Variants in GRIA1 observed in about 807,000 individuals in gnomAD.
GRIA1 encodes the protein glutamate ionotropic receptor AMPA type subunit 1.
Under a neutral mutation model 99.2 loss-of-function variants are expected in GRIA1, and 31 were observed. That is an observed-to-expected ratio of 0.31 (90% CI 0.23 to 0.42). The LOEUF (loss-of-function observed/expected upper bound fraction) is 0.42, where lower values mean the gene tolerates loss of function less well. GRIA1 is among the 10% of genes least tolerant of loss of function. The pLI is 1.00. For missense variants in GRIA1, 782 were observed against 1,157.5 expected (o/e 0.68, Z 4.71); for synonymous variants, 438 against 432.4 (o/e 1.01, Z -0.16).
At chr5:153,540,700 G>A (rs1332349990) in intron 2 of GRIA1, among the ~76,000 whole-genome samples, 2 of 152,084 alleles carry the variant, frequency 1.3e-5, no homozygotes, top group Non-Finnish European at 2.9e-5. Flanking sequence ...CGGGACAATC[G>A]CAGATGGGGG....
At chr5:153,801,962 C>T (rs539315261) in intron 14 of GRIA1, among the ~76,000 whole-genome samples, 781 of 9,788 alleles carry the variant, frequency 0.08, no homozygotes, top group Non-Finnish European at 0.13. Flanking sequence ...CGGGGGGGGG[C>T]GGGGGGCAGG....
At chr5:153,639,874 A>G (rs957333938) in intron 2 of GRIA1, among the ~76,000 whole-genome samples, 3 of 152,246 alleles carry the variant, frequency 2.0e-5, no homozygotes, top group African/African-American at 7.2e-5. Flanking sequence ...AGTGAGTACA[A>G]AAGTTCTATT....
rs1428165047 is a variant in GRIA1, at chr5:153,705,944, G to A, written c.1700G>A (p.Ser567Asn). The A allele has an allele frequency of 6.2e-7, 1 of 1,614,008 alleles. No homozygotes were observed. The highest frequency in any genetic ancestry group is 8.5e-7 in the Non-Finnish European group (1 of 1,179,980). The change falls in exon 11 of 16, where the codon AGT becomes AAT. Residue 567 changes from serine to asparagine, a missense_variant. Ser to Asn is a conservative substitution (Grantham distance 46, BLOSUM62 1). Around this residue, in one of 5 missense-constraint regions of GRIA1, gnomAD observed 39 missense variants for 43.5 expected, o/e 0.90. Transcript: ENST00000285900. ...CGCTTCAGTCCCTATGAATGGCACA[G>A]TGAAGAGTTTGAGGAAGGACGGGAC... ...VSRFSPYEWH[S>N]EEFEEGRDQT...
At chr5:153,810,249 C>T (rs1291279798) in intron 15 of GRIA1, among the ~76,000 whole-genome samples, 1 of 152,194 alleles carries the variant, frequency 6.6e-6, no homozygotes, top group Non-Finnish European at 1.5e-5. Flanking sequence ...TCTGGAAGTA[C>T]AGGGTCTACA....
chr5:153,763,545 G>T (rs1435200619), intron 11 of GRIA1, among the ~76,000 whole-genome samples: 2 of 152,160 alleles, frequency 1.3e-5, no homozygotes, highest in Non-Finnish European at 2.9e-5. Context: ...TACCACCATA[G>T]GATTCATTAT....
chr5:153,634,056 C>A (rs189965460), intron 2 of GRIA1, among the ~76,000 whole-genome samples: 1 of 152,144 alleles, frequency 6.6e-6, no homozygotes, highest in African/African-American at 2.4e-5. Context: ...GTGGCTCACT[C>A]CTGTAATCCC....
intron 5 of GRIA1, among the ~76,000 whole-genome samples, chr5:153,671,076 A>AT (rs1382349025): frequency 1.1e-4 from 16 of 151,794 alleles, no homozygotes; most frequent in South Asian, 6.2e-4. Context: ...TTCTCTGTCC[A>AT]TTTTTTCTTA....
At chr5:153,722,071 C>T (rs572159187) in intron 11 of GRIA1, among the ~76,000 whole-genome samples, 1 of 152,324 alleles carries the variant, frequency 6.6e-6, no homozygotes, top group South Asian at 2.1e-4. Flanking sequence ...TCCCTGGCAA[C>T]TAGTACTTCT....
rs369874519 is a variant in GRIA1 at position 153,579,903 on chromosome 5, A to C, written c.221-67025A>C. Among the ~76,000 whole-genome samples the C allele has an allele frequency of 9.2e-5, 14 of 152,230 alleles. 1 individual carries two copies. Among genetic ancestry groups the C allele is most frequent in the Middle Eastern group, 3.4e-3 (1 of 294 alleles). On this transcript the variant is annotated intron_variant, in intron 2 of 15. Transcript: ENST00000285900. ...CAAAAACAAACAAACAAACAAAAAAAAAAAAACAGGATCCTGAGCCTCACA... is the reference window on the plus strand; with the variant it reads ...CAAAAACAAACAAACAAACAAAAAACAAAAAACAGGATCCTGAGCCTCACA...
intron 11 of GRIA1, among the ~76,000 whole-genome samples, chr5:153,752,594 C>CCTAT (rs1227639960): frequency 6.6e-6 from 1 of 152,140 alleles, no homozygotes; most frequent in Admixed American, 6.5e-5. Flanking sequence ...CCACTGCCTT[C>CCTAT]CTATCTTCTC....
Position 153,739,088 on chromosome 5 carries a change from C to CAAAAA in GRIA1, c.1824-25335_1824-25331dup, listed in dbSNP as rs34623069. On this transcript the variant is annotated intron_variant, in intron 11 of 15. Coordinates refer to ENST00000285900, the MANE Select transcript of GRIA1 (RefSeq NM_000827.4). ...CCATTCTGCAAGGCAGGGATTTCTC[C>CAAAAA]AAAAAAAAAAAAAAATGTGAATGGG... 3.0e-3 allele frequency among the ~76,000 whole-genome samples: 420 copies of CAAAAA among 139,410 alleles called. 1 individual carries two copies. The highest frequency in any genetic ancestry group is 4.6e-3 in the Non-Finnish European group (292 of 64,050). The allele number at this position is 139,410 out of a possible 152,430, so 91.5% of individuals were successfully genotyped here. A position where few individuals can be genotyped will look rare whatever the true frequency, so the allele number is the denominator to read the frequency against.
At chr5:153,543,957 A>G (rs2113505195) in intron 2 of GRIA1, among the ~76,000 whole-genome samples, 1 of 150,332 alleles carries the variant, frequency 6.7e-6, no homozygotes, top group Middle Eastern at 3.5e-3. Context: ...GGAGGGGGTG[A>G]GGGAATATGT....
At chr5:153,589,449 C>T (rs994277527) in intron 2 of GRIA1, among the ~76,000 whole-genome samples, 1 of 152,102 alleles carries the variant, frequency 6.6e-6, no homozygotes, top group African/African-American at 2.4e-5. Context: ...TTTGTTCCCA[C>T]ACTTGCTTTG....
intron 2 of GRIA1, among the ~76,000 whole-genome samples, chr5:153,549,587 C>T (rs62382832): frequency 0.38 from 57,551 of 151,952 alleles, 13,092 homozygotes; most frequent in Non-Finnish European, 0.52. Flanking sequence ...GAGCTCAAGG[C>T]AACAACATCC....
At chr5:153,544,304 A>G (rs966301966) in intron 2 of GRIA1, among the ~76,000 whole-genome samples, 34 of 152,128 alleles carry the variant, frequency 2.2e-4, no homozygotes, top group African/African-American at 8.2e-4. Context: ...ATCTGAAAGC[A>G]TGGTTCCTCT....
intron 13 of GRIA1, among the ~76,000 whole-genome samples, chr5:153,794,409 G>T (rs946463820): frequency 6.6e-6 from 1 of 152,174 alleles, no homozygotes; most frequent in African/African-American, 2.4e-5. Context: ...AGGTTACAAT[G>T]ACGCCTCTCC....
At chr5:153,734,845 G>T (rs1481730646) in intron 11 of GRIA1, among the ~76,000 whole-genome samples, 1 of 152,208 alleles carries the variant, frequency 6.6e-6, no homozygotes, top group Non-Finnish European at 1.5e-5. Context: ...CCATTGTCAG[G>T]AACTTGGATC....
chr5:153,590,748 C>T (rs1430516767), intron 2 of GRIA1, among the ~76,000 whole-genome samples: 1 of 152,120 alleles, frequency 6.6e-6, no homozygotes, highest in East Asian at 1.9e-4. Flanking sequence ...GTTATCTATA[C>T]CAAGTTATCA....
chr5:153,708,052 T>G (rs1035927394), intron 11 of GRIA1, among the ~76,000 whole-genome samples: 1 of 152,176 alleles, frequency 6.6e-6, no homozygotes, highest in Non-Finnish European at 1.5e-5. Context: ...TCTCCTTTAT[T>G]TCCTTCATCA....
Sources: allele counts gnomAD v4.1 joint callset (sites outside exome capture counted in the v4.1 genomes callset), GRCh38; gene constraint gnomAD v4.1.1; regional missense constraint gnomAD v4.1.1; transcripts MANE v1.5; gene names NCBI Gene and HGNC (gene_info 2026-07-23, HGNC 2026-07-21).